The following EYA1 variants were observed in gnomAD, a reference collection of about 807,000 sequenced individuals.
The protein encoded by EYA1 is protein phosphatase EYA1.
Under a neutral mutation model 82.0 loss-of-function variants are expected in EYA1, and 16 were observed. That is an observed-to-expected ratio of 0.20 (90% CI 0.13 to 0.30). The LOEUF (loss-of-function observed/expected upper bound fraction) is 0.30. EYA1 is among the 10% of genes least tolerant of loss of function. EYA1 has a pLI of 1.00. For synonymous variants in EYA1, 261 were observed against 264.4 expected (o/e 0.99, Z 0.12); for missense variants, 633 against 730.7 (o/e 0.87, Z 1.54).
chr8:71,271,668 A>C, intron 10 of EYA1, 90 bp downstream of exon 10: 793 of 1,412,030 alleles, frequency 5.6e-4, no homozygotes, highest in Non-Finnish European at 7.3e-4. Context: ...CTGATACCTT[A>C]ACCACTGCTG....
intron 17 of EYA1, among the ~76,000 whole-genome samples, chr8:71,201,349 ACTGTAATGCCTCCTAC>A (rs1257138392): frequency 2.0e-5 from 3 of 151,852 alleles, no homozygotes. Context: ...AAGCTCATAT[ACTGTAATGCCTCCTAC>A]CTGTTCTCTG....
At chr8:71,270,558 C>A (rs557374172) in intron 10 of EYA1, among the ~76,000 whole-genome samples, 11 of 152,300 alleles carry the variant, frequency 7.2e-5, no homozygotes, top group African/African-American at 2.6e-4. Flanking sequence ...CACACCAGTA[C>A]ATATTCATAT....
intron 2 of EYA1, among the ~76,000 whole-genome samples, chr8:71,355,950 T>G (rs576102182): frequency 2.7e-4 from 41 of 152,216 alleles, no homozygotes; most frequent in Non-Finnish European, 6.0e-4. Flanking sequence ...TACTTTATTT[T>G]AAACTTTGTA....
chr8:71,478,007 G>C (rs1303740300), intron 2 of EYA1, among the ~76,000 whole-genome samples: 1 of 152,140 alleles, frequency 6.6e-6, no homozygotes, highest in Non-Finnish European at 1.5e-5. Flanking sequence ...AAGTAGATGA[G>C]TGGTTGCCAG....
At chr8:71,208,802 C>G (rs1043227753) in intron 17 of EYA1, among the ~76,000 whole-genome samples, 1 of 152,204 alleles carries the variant, frequency 6.6e-6, no homozygotes, top group Non-Finnish European at 1.5e-5. Flanking sequence ...ACTTTCAATT[C>G]TAACCTGAAA....
At chr8:71,342,885 G>A (rs965998313) in intron 3 of EYA1, among the ~76,000 whole-genome samples, 2 of 152,090 alleles carry the variant, frequency 1.3e-5, no homozygotes, top group Non-Finnish European at 2.9e-5. Context: ...ACCAGCCTGT[G>A]AGCTCCTTAA....
intron 2 of EYA1, among the ~76,000 whole-genome samples, chr8:71,479,924 G>C (rs1340182165): frequency 6.6e-6 from 1 of 152,152 alleles, no homozygotes. Flanking sequence ...TCCACAAGCA[G>C]TCCAAAGGAG....
chr8:71,442,967 CTCT>C (rs1338800239), intron 2 of EYA1, among the ~76,000 whole-genome samples: 1 of 152,206 alleles, frequency 6.6e-6, no homozygotes, highest in Admixed American at 6.5e-5. Context: ...CTATTACATA[CTCT>C]CAACTAATGA....
At chr8:71,238,475 T>C (rs1471128872) in intron 12 of EYA1, among the ~76,000 whole-genome samples, 2 of 152,142 alleles carry the variant, frequency 1.3e-5, no homozygotes, top group African/African-American at 4.8e-5. Flanking sequence ...ATCTCATTTA[T>C]TGAAACCTTC....
In EYA1 at chr8:71,198,627, A is replaced by ATGAT. The variant is rs1164227818; in HGVS notation, c.*709_*712dup. The ATGAT allele has an allele frequency of 6.5e-6, 1 of 152,768 alleles. No homozygotes were observed. The highest frequency in any genetic ancestry group is 1.5e-5 in the Non-Finnish European group (1 of 68,130). The allele number at this position is 152,768 out of a possible 1,614,324, so 9.5% of individuals were successfully genotyped here. A position where few individuals can be genotyped will look rare whatever the true frequency, so the allele number is the denominator to read the frequency against. On this transcript the variant is annotated 3_prime_UTR_variant, in exon 18 of 18. Coordinates refer to ENST00000340726, the MANE Select transcript of EYA1 (RefSeq NM_000503.6). ...TTTACACCAAAAATTCTTTCTGTAC[A>ATGAT]TGATTGTCTCAGTGATGTACATATT...
At chr8:71,493,784 G>A (rs980329556) in intron 2 of EYA1, among the ~76,000 whole-genome samples, 1 of 151,132 alleles carries the variant, frequency 6.6e-6, no homozygotes, top group Non-Finnish European at 1.5e-5. Flanking sequence ...AGCACTTTGG[G>A]AGGCCGAGGC....
chr8:71,463,362 T>G (rs1053288498), intron 2 of EYA1, among the ~76,000 whole-genome samples: 1 of 152,208 alleles, frequency 6.6e-6, no homozygotes, highest in African/African-American at 2.4e-5. Flanking sequence ...TAGAATGGAC[T>G]GCCTTGTAAA....
intron 3 of EYA1, among the ~76,000 whole-genome samples, chr8:71,349,074 A>C (rs113585398): frequency 0.011 from 1,668 of 152,358 alleles, 26 homozygotes; most frequent in African/African-American, 0.038. Flanking sequence ...GAGGCTTAAC[A>C]ATCAGACAGC....
At chr8:71,514,667 T>C (rs1481066588) in intron 2 of EYA1, among the ~76,000 whole-genome samples, 1 of 152,130 alleles carries the variant, frequency 6.6e-6, no homozygotes, top group East Asian at 1.9e-4. Context: ...ACTTATTCAC[T>C]ATCACAAGAA....
intron 2 of EYA1, among the ~76,000 whole-genome samples, chr8:71,370,262 A>T (rs1233036714): frequency 6.6e-6 from 1 of 151,722 alleles, no homozygotes; most frequent in Non-Finnish European, 1.5e-5. Context: ...TGTCCACAAC[A>T]CCATCATTTT....
intron 2 of EYA1, among the ~76,000 whole-genome samples, chr8:71,427,458 T>A (rs191652590): frequency 1.3e-5 from 2 of 152,306 alleles, no homozygotes; most frequent in Admixed American, 1.3e-4. Flanking sequence ...GATGGAACAC[T>A]TAAGGAAAGT....
At chr8:71,373,367 GA>G (rs1828190534) in intron 2 of EYA1, among the ~76,000 whole-genome samples, 2 of 152,024 alleles carry the variant, frequency 1.3e-5, no homozygotes, top group East Asian at 3.9e-4. Flanking sequence ...AAGAAATCAA[GA>G]AAGCAATTTC....
At chr8:71,207,928 A>G (rs956885589) in intron 17 of EYA1, among the ~76,000 whole-genome samples, 1 of 152,178 alleles carries the variant, frequency 6.6e-6, no homozygotes, top group Non-Finnish European at 1.5e-5. Context: ...TTGTAAATGA[A>G]TTGTACCAGC....
intron 2 of EYA1, among the ~76,000 whole-genome samples, chr8:71,490,977 T>C (rs1170242756): frequency 1.3e-5 from 2 of 152,048 alleles, no homozygotes; most frequent in African/African-American, 4.8e-5. Flanking sequence ...ATAAAGCAAG[T>C]CACTCTATTG....
Sources: gnomAD v4.1 joint callset for allele counts (sites outside exome capture counted in the v4.1 genomes callset) on GRCh38, gnomAD v4.1.1 for gene constraint, MANE v1.5 for transcripts, NCBI Gene and HGNC (gene_info 2026-07-23, HGNC 2026-07-21) for gene names.